UBA6: variants seen among roughly 807,000 people sequenced by gnomAD.
UBA6 encodes ubiquitin like modifier activating enzyme 6.
A neutral mutation model predicts 148.3 loss-of-function variants in UBA6; 87 were observed. That is an observed-to-expected ratio of 0.59 (90% CI 0.49 to 0.70). The LOEUF (loss-of-function observed/expected upper bound fraction) is 0.70, where lower values mean the gene tolerates loss of function less well. Ranked by LOEUF, UBA6 falls within the 30% of genes least tolerant of loss-of-function variation. UBA6 has a pLI of 0.00. For synonymous variants in UBA6, 376 were observed against 401.0 expected (o/e 0.94, Z 0.75); for missense variants, 1,186 against 1,241.2 (o/e 0.96, Z 0.67).
In UBA6 at chr4:67,651,165, C is replaced by A. The variant is rs184185686; in HGVS notation, c.1105-1954G>T. On this transcript the variant is annotated intron_variant, in intron 13 of 32. Coordinates refer to ENST00000322244, the MANE Select transcript of UBA6 (RefSeq NM_018227.6). ...CAGCTACTGAAAATCCACACCCCCACAACTAACCAAAAGTCAGAGGATATT... is the reference window on the plus strand; with the variant it reads ...CAGCTACTGAAAATCCACACCCCCAAAACTAACCAAAAGTCAGAGGATATT... 7.2e-4 allele frequency among the ~76,000 whole-genome samples: 109 copies of A among 152,232 alleles called. 1 individual carries two copies. The highest frequency in any genetic ancestry group is 2.5e-3 in the African/African-American group (105 of 41,564).
At chr4:67,634,631 C>A (rs1729092476) in intron 20 of UBA6, 113 bp from the exon 21 acceptor site, 3 of 643,364 alleles carry the variant, frequency 4.7e-6, no homozygotes, top group South Asian at 3.3e-5. Flanking sequence ...TAAATAAAAT[C>A]CAACCAGACA....
chr4:67,628,218 C>A (rs1009431895), intron 27 of UBA6, among the ~76,000 whole-genome samples: 1 of 151,794 alleles, frequency 6.6e-6, no homozygotes, highest in African/African-American at 2.4e-5. Context: ...GCTCTTACTT[C>A]CTTTATCTTC....
intron 8 of UBA6, among the ~76,000 whole-genome samples, chr4:67,670,054 T>C (rs74931213): frequency 1.3e-5 from 2 of 152,128 alleles, no homozygotes; most frequent in African/African-American, 4.8e-5. Flanking sequence ...GTTCAAGTCA[T>C]CCTTCCATCT....
intron 2 of UBA6, among the ~76,000 whole-genome samples, chr4:67,687,342 C>T (rs1265685848): frequency 6.6e-6 from 1 of 151,960 alleles, no homozygotes; most frequent in Non-Finnish European, 1.5e-5. Context: ...CCAATATTAT[C>T]CTTAAGATAT....
At chr4:67,682,991 A>G (rs1202737678) in intron 2 of UBA6, among the ~76,000 whole-genome samples, 2 of 152,204 alleles carry the variant, frequency 1.3e-5, no homozygotes, top group African/African-American at 4.8e-5. Flanking sequence ...CCATTATTTC[A>G]GCTTTTCATA....
At chr4:67,649,525 G>A (rs1043159571) in intron 13 of UBA6, among the ~76,000 whole-genome samples, 1 of 152,112 alleles carries the variant, frequency 6.6e-6, no homozygotes, top group East Asian at 1.9e-4. Flanking sequence ...TGTGATGCCA[G>A]TCAGACATAT....
chr4:67,636,791 T>C (rs978220060), intron 19 of UBA6, among the ~76,000 whole-genome samples: 4 of 152,168 alleles, frequency 2.6e-5, no homozygotes, highest in African/African-American at 4.8e-5. Flanking sequence ...GTGCCGAGAT[T>C]GCAGCCTCTG....
chr4:67,630,355 A>G, intron 26 of UBA6, 111 bp downstream of exon 26: 1 of 778,302 alleles, frequency 1.3e-6, no homozygotes, highest in East Asian at 2.9e-5. Flanking sequence ...ATTCTGTATC[A>G]AAAAGAGTGA....
Position 67,641,176 on chromosome 4 carries a change from A to G in UBA6, c.1529T>C (p.Phe510Ser). ...LIEKSNLNRQ[F>S]LFRPHHIQKP... ...CTGTATGTGATGAGGACGAAATAGG[A>G]ACTGTCTATTTAAGTTGGATTTCTC... Residue 510 changes from phenylalanine to serine, a missense_variant, in exon 18 of 33, where the codon TTC (phenylalanine) becomes TCC (serine). By Grantham distance (155) the Phe-to-Ser change is radical. Transcript: ENST00000322244. The G allele has an allele frequency of 6.3e-7, 1 of 1,598,906 alleles. No individual in the cohort carries two copies. Among genetic ancestry groups the G allele is most frequent in the Non-Finnish European group, 8.5e-7 (1 of 1,173,216 alleles).
chr4:67,639,231 C>T (rs1729244741), intron 18 of UBA6, 107 bp from the exon 19 acceptor site: 1 of 883,236 alleles, frequency 1.1e-6, no homozygotes, highest in Non-Finnish European at 1.7e-6. Flanking sequence ...AGTCATAGTC[C>T]ATACATATAT....
At chr4:67,637,481 T>C in intron 19 of UBA6, among the ~76,000 whole-genome samples, 1 of 152,200 alleles carries the variant, frequency 6.6e-6, no homozygotes, top group East Asian at 1.9e-4. Flanking sequence ...ATGGCGGTTT[T>C]GTAGAATAGA....
intron 8 of UBA6, among the ~76,000 whole-genome samples, chr4:67,669,689 C>T (rs952096453): frequency 6.6e-6 from 1 of 152,056 alleles, no homozygotes; most frequent in South Asian, 2.1e-4. Context: ...GAAGGTTAAT[C>T]AAAACTTTCT....
rs193285595 is a variant in UBA6 at position 67,619,039 on chromosome 4, C to T, written c.3117G>A (p.Pro1039=). Residue 1039 remains proline (P), a synonymous_variant, in exon 33 of 33, where the codon CCG becomes CCA. Coordinates refer to ENST00000322244, the MANE Select transcript of UBA6 (RefSeq NM_018227.6). ...APDIDGDEDL[P]GPPVRYYFSH... ...TGAAGTAGTATCTTACTGGAGGTCC[C>T]GGCAAATCTTCATCTCCATCAATGT... 32 of 1,613,774 alleles carry T rather than the reference C, an allele frequency of 2.0e-5. No individual in the cohort carries two copies. In the East Asian group the frequency reaches 3.6e-4, roughly 18 times the overall value.
intron 2 of UBA6, among the ~76,000 whole-genome samples, chr4:67,688,270 A>G (rs1730617190): frequency 1.3e-5 from 2 of 152,156 alleles, no homozygotes; most frequent in African/African-American, 4.8e-5. Flanking sequence ...TACTTTCATA[A>G]AAGCAGCTAG....
At chr4:67,641,676 A>G (rs1201018893) in intron 17 of UBA6, among the ~76,000 whole-genome samples, 4 of 109,586 alleles carry the variant, frequency 3.7e-5, no homozygotes, top group Non-Finnish European at 2.0e-5. Flanking sequence ...TGAACTCCTA[A>G]CCCCCTAATT....
rs1299448953 is a variant in UBA6, at chr4:67,620,881, GA to G, written c.3024-1750del. 3.3e-5 allele frequency among the ~76,000 whole-genome samples: 5 copies of G among 152,262 alleles called. No individual in the cohort carries two copies. The East Asian group carries it at 7.7e-4, about 23-fold the overall frequency. ...GTAACAAAACTAAGCAGCTGAGCAA[GA>G]ATGTGAACCCAGGTCTTTCTAAAGC... On this transcript the variant is annotated intron_variant, in intron 32 of 32. Coordinates refer to ENST00000322244, the MANE Select transcript of UBA6 (RefSeq NM_018227.6).
chr4:67,648,521 T>C (rs571913730), intron 14 of UBA6, among the ~76,000 whole-genome samples: 5 of 151,844 alleles, frequency 3.3e-5, no homozygotes, highest in African/African-American at 1.2e-4. Flanking sequence ...AAAATGTTTA[T>C]GGTGTTTCAA....
At chr4:67,653,813 T>G (rs1729616602) in intron 13 of UBA6, among the ~76,000 whole-genome samples, 1 of 152,132 alleles carries the variant, frequency 6.6e-6, no homozygotes, top group African/African-American at 2.4e-5. Flanking sequence ...AATTGCTAAC[T>G]AGAATAAACA....
Position 67,615,571 on chromosome 4 carries a change from G to A in UBA6, c.*3426C>T, listed in dbSNP as rs1728609038. The A allele has an allele frequency of 6.6e-6, 1 of 152,090 alleles. No homozygotes were observed. The highest frequency in any genetic ancestry group is 2.4e-5 in the African/African-American group (1 of 41,398). The allele number at this position is 152,090 out of a possible 1,614,324, so 9.4% of individuals were successfully genotyped here. On this transcript the variant is annotated 3_prime_UTR_variant, in exon 33 of 33. Transcript: ENST00000322244. ...CCTAAATATATACTCTTTGTACTAG[G>A]AGTTACATAAAATGATGTTCATTGT... is the stretch of plus-strand genomic sequence containing the variant.
Sources: allele counts gnomAD v4.1 joint callset (sites outside exome capture counted in the v4.1 genomes callset), GRCh38; gene constraint gnomAD v4.1.1; transcripts MANE v1.5; gene names NCBI Gene and HGNC (gene_info 2026-07-23, HGNC 2026-07-21).